VPS53: variants seen among roughly 807,000 people sequenced by gnomAD.
VPS53 encodes the protein vacuolar protein sorting-associated protein 53 homolog.
A neutral mutation model predicts 107.0 loss-of-function variants in VPS53; 70 were observed. The observed-to-expected ratio is 0.65, with a 90% CI of 0.54 to 0.80. The LOEUF (loss-of-function observed/expected upper bound fraction) is 0.80. Ranked by LOEUF, VPS53 falls within the 30% of genes least tolerant of loss-of-function variation. The pLI is 0.00. For synonymous variants in VPS53, 409 were observed against 393.3 expected (o/e 1.04, Z -0.47); for missense variants, 917 against 1,049.4 (o/e 0.87, Z 1.74).
intron 13 of VPS53, among the ~76,000 whole-genome samples, chr17:570,215 C>A (rs1025546315): frequency 2.6e-5 from 4 of 151,348 alleles, no homozygotes; most frequent in Non-Finnish European, 5.9e-5. Flanking sequence ...AAAAAAAAGA[C>A]AAAAATTAGC....
At chr17:663,916 A>G (rs374698658) in intron 4 of VPS53, among the ~76,000 whole-genome samples, 70 of 152,298 alleles carry the variant, frequency 4.6e-4, no homozygotes, top group African/African-American at 1.6e-3. Context: ...CAAAATAAAG[A>G]AACAAGATAA....
intron 11 of VPS53, among the ~76,000 whole-genome samples, chr17:619,343 T>C: frequency 6.8e-6 from 1 of 147,412 alleles, no homozygotes; most frequent in South Asian, 2.2e-4. Context: ...CGCTAATATT[T>C]CCCGGGTAGC....
At chr17:631,706 G>C (rs1969969072) in intron 7 of VPS53, 78 bp from the exon 8 acceptor site, 3 of 1,397,400 alleles carry the variant, frequency 2.1e-6, no homozygotes, top group Admixed American at 1.8e-5. Flanking sequence ...GGGTCGGAAG[G>C]GCTGAAGTCT....
At chr17:623,016 T>C (rs1392495383) in intron 11 of VPS53, among the ~76,000 whole-genome samples, 2 of 151,918 alleles carry the variant, frequency 1.3e-5, no homozygotes, top group African/African-American at 4.8e-5. Context: ...GGAGTGAAAA[T>C]TTGGACCTGG....
chr17:607,393 G>A (rs1218862235), intron 11 of VPS53, among the ~76,000 whole-genome samples: 2 of 152,104 alleles, frequency 1.3e-5, no homozygotes, highest in Non-Finnish European at 2.9e-5. Context: ...CCTCCTCCCT[G>A]TTGATAAAAG....
chr17:634,550 C>A (rs1970109432), intron 7 of VPS53, among the ~76,000 whole-genome samples: 2 of 122,514 alleles, frequency 1.6e-5, no homozygotes, highest in Admixed American at 1.8e-4. Flanking sequence ...CCCCCCTCCC[C>A]CCACCCCACA....
At chr17:621,148 G>T (rs1271491756) in intron 11 of VPS53, among the ~76,000 whole-genome samples, 1 of 152,000 alleles carries the variant, frequency 6.6e-6, no homozygotes, top group Non-Finnish European at 1.5e-5. Context: ...ACCATTTCCA[G>T]ACCTCTTTCT....
chr17:619,753 TGGG>T (rs1969379710), intron 11 of VPS53, among the ~76,000 whole-genome samples: 1 of 135,684 alleles, frequency 7.4e-6, no homozygotes, highest in Non-Finnish European at 1.6e-5. Context: ...CCCGGGTAGC[TGGG>T]ACTACAGGCG....
In VPS53 at chr17:511,723, G is replaced by GT. The variant is rs1199586456; in HGVS notation, c.*7404dup. 1 of 151,992 alleles carries GT rather than the reference G, an allele frequency of 6.6e-6. No individual in the cohort carries two copies. Among genetic ancestry groups the GT allele is most frequent in the Non-Finnish European group, 1.5e-5 (1 of 68,008 alleles). The allele number at this position is 151,992 out of a possible 1,614,324, so 9.4% of individuals were successfully genotyped here. A position where few individuals can be genotyped will look rare whatever the true frequency, so the allele number is the denominator to read the frequency against. On this transcript the variant is annotated 3_prime_UTR_variant, in exon 22 of 22. Transcript: ENST00000437048. The stretch of plus-strand genomic sequence containing the variant: ...GCCTGTCCCAAGTTAATCTTGCTTA[G>GT]TTTTTTGGGGGGCATCATACCTAAA...
intron 11 of VPS53, among the ~76,000 whole-genome samples, chr17:602,169 A>T (rs545424206): frequency 6.6e-6 from 1 of 152,338 alleles, no homozygotes; most frequent in Non-Finnish European, 1.5e-5. Context: ...TCTGCTGGGA[A>T]GCCTTTCCCA....
chr17:672,174 A>ACT (rs1567727983), intron 4 of VPS53, among the ~76,000 whole-genome samples: 89 of 40,216 alleles, frequency 2.2e-3, no homozygotes, highest in Middle Eastern at 0.027. Context: ...ACACAATCTC[A>ACT]ATCTCTCTCT....
chr17:637,116 G>A (rs1250008983), intron 7 of VPS53, among the ~76,000 whole-genome samples: 23 of 151,942 alleles, frequency 1.5e-4, no homozygotes, highest in Non-Finnish European at 2.9e-4. Context: ...GTCTATTCAG[G>A]GATTCAACTT....
At chr17:646,748 G>T (rs1970728735) in intron 7 of VPS53, among the ~76,000 whole-genome samples, 1 of 136,186 alleles carries the variant, frequency 7.3e-6, no homozygotes, top group East Asian at 2.2e-4. Context: ...CCTCCTAAGG[G>T]TCTTATCTTT....
At chr17:528,847 C>G (rs996742939) in intron 19 of VPS53, among the ~76,000 whole-genome samples, 5 of 152,106 alleles carry the variant, frequency 3.3e-5, no homozygotes, top group African/African-American at 1.2e-4. Context: ...GATCTGCCTG[C>G]CTCAGCCTCC....
intron 17 of VPS53, among the ~76,000 whole-genome samples, chr17:550,851 T>G (rs1412336256): frequency 2.0e-5 from 3 of 151,882 alleles, no homozygotes; most frequent in Non-Finnish European, 4.4e-5. Flanking sequence ...AAGGGCTGAC[T>G]GATGGGCCAC....
chr17:710,386 C>G (rs1973592585), intron 2 of VPS53, 147 bp downstream of exon 2: 1 of 638,198 alleles, frequency 1.6e-6, no homozygotes, highest in South Asian at 2.0e-5. Context: ...AGCTCACTGC[C>G]CCAGCTGGTG....
At chr17:531,993 C>T (rs1909620121) in intron 19 of VPS53, 1 of 150,642 alleles carries the variant, frequency 6.6e-6, no homozygotes, top group Admixed American at 6.7e-5. Context: ...TCTTGTTGCC[C>T]AGGCTGGAGT....
chr17:624,485 T>C (rs1969605058), intron 10 of VPS53, among the ~76,000 whole-genome samples: 1 of 152,188 alleles, frequency 6.6e-6, no homozygotes, highest in Non-Finnish European at 1.5e-5. Context: ...AACAGGGACA[T>C]GTGAGTTCTT....
At chr17:576,016 G>A (rs766057223) in intron 13 of VPS53, among the ~76,000 whole-genome samples, 9 of 148,482 alleles carry the variant, frequency 6.1e-5, no homozygotes, top group African/African-American at 9.9e-5. Context: ...AACCTAATGC[G>A]TTCCCAGAAA....
Sources: allele counts gnomAD v4.1 joint callset (sites outside exome capture counted in the v4.1 genomes callset), GRCh38; gene constraint gnomAD v4.1.1; transcripts MANE v1.5; gene names NCBI Gene and HGNC (gene_info 2026-07-23, HGNC 2026-07-21).